The following AOPEP variants were observed in gnomAD, a reference collection of about 807,000 sequenced individuals.
The protein encoded by AOPEP is aminopeptidase O.
Under a neutral mutation model 98.1 loss-of-function variants are expected in AOPEP, and 77 were observed. That is an observed-to-expected ratio of 0.78 (90% CI 0.65 to 0.95). AOPEP has a LOEUF of 0.95. Among genes scored for constraint, AOPEP ranks in the 40% least tolerant of loss-of-function variants. The pLI, the probability that AOPEP is intolerant of heterozygous loss-of-function variation, is 0.00. For synonymous variants in AOPEP, 346 were observed against 365.3 expected (o/e 0.95, Z 0.60); for missense variants, 1,024 against 1,024.7 (o/e 1.00, Z 0.01).
In AOPEP at chr9:94,935,913, C is replaced by A. The variant is rs184831276; in HGVS notation, c.1661+7382C>A. 3.2e-4 allele frequency among the ~76,000 whole-genome samples: 48 copies of A among 152,332 alleles called. 1 individual carries two copies. Among genetic ancestry groups the A allele is most frequent in the Admixed American group, 2.8e-3 (43 of 15,308 alleles). On this transcript the variant is annotated intron_variant, in intron 7 of 16. Transcript: ENST00000375315. The stretch of plus-strand genomic sequence containing the variant: ...CCCTCCCATAGTGTTGTACTCATCG[C>A]TGGTGGCACAGGTCCACCCACAACA...
At chr9:95,081,999 C>G (rs1473602925) in intron 15 of AOPEP, among the ~76,000 whole-genome samples, 1 of 151,926 alleles carries the variant, frequency 6.6e-6, no homozygotes, top group African/African-American at 2.4e-5. Flanking sequence ...CGGCATTGTT[C>G]CCAAGCAGCA....
chr9:95,005,254 T>TGGCGCC, intron 12 of AOPEP, 34 bp downstream of exon 12: 1 of 1,060,368 alleles, frequency 9.4e-7, no homozygotes, highest in African/African-American at 1.7e-5. Context: ...TGCGCCCCGG[T>TGGCGCC]GGCGCCGGCG....
chr9:95,143,247 C>T, the AOPEP span, among the ~76,000 whole-genome samples: 4 of 152,182 alleles, frequency 2.6e-5, no homozygotes, highest in East Asian at 3.8e-4. Flanking sequence ...TCTCCAGGCA[C>T]GTCACCTTCC....
intron 4 of AOPEP, among the ~76,000 whole-genome samples, chr9:94,799,812 A>G (rs1241355190): frequency 6.6e-6 from 1 of 152,060 alleles, no homozygotes; most frequent in East Asian, 1.9e-4. Context: ...CAGTGAGCTT[A>G]AATCATGCCA....
At chr9:95,024,593 T>A (rs2063700043) in intron 13 of AOPEP, among the ~76,000 whole-genome samples, 2 of 152,218 alleles carry the variant, frequency 1.3e-5, no homozygotes, top group Non-Finnish European at 2.9e-5. Flanking sequence ...ACTCTGAGCC[T>A]GAGCGTGTGG....
chr9:95,090,937 C>T (rs1441604689), downstream of AOPEP, among the ~76,000 whole-genome samples: 4 of 152,220 alleles, frequency 2.6e-5, no homozygotes, highest in Non-Finnish European at 5.9e-5. Context: ...GCCAGCCACA[C>T]CCAAGACAGC....
intron 5 of AOPEP, among the ~76,000 whole-genome samples, chr9:94,820,014 C>T (rs559042238): frequency 9.8e-5 from 14 of 142,270 alleles, no homozygotes; most frequent in South Asian, 2.2e-4. Context: ...GGCGCAATCT[C>T]GGCTCACTGC....
chr9:94,753,579 G>A (rs565821175), intron 1 of AOPEP, among the ~76,000 whole-genome samples: 4 of 152,194 alleles, frequency 2.6e-5, no homozygotes, highest in South Asian at 2.1e-4. Context: ...AATCATGGGC[G>A]ATAGAAAACA....
the AOPEP span, among the ~76,000 whole-genome samples, chr9:95,125,367 TTTTCTTTA>T: frequency 2.0e-5 from 3 of 152,264 alleles, no homozygotes; most frequent in South Asian, 6.2e-4. Context: ...CCCTGTTATA[TTTTCTTTA>T]AAATTGCAAC....
intron 5 of AOPEP, among the ~76,000 whole-genome samples, chr9:94,857,551 C>T (rs1020576769): frequency 6.6e-6 from 1 of 152,044 alleles, no homozygotes; most frequent in African/African-American, 2.4e-5. Context: ...TGTATCTCAC[C>T]TTGTAAATAT....
intron 14 of AOPEP, among the ~76,000 whole-genome samples, chr9:95,063,379 G>A (rs886552882): frequency 6.6e-6 from 1 of 152,136 alleles, no homozygotes; most frequent in Non-Finnish European, 1.5e-5. Flanking sequence ...TTTCCCCCAG[G>A]AAGTCCATGA....
chr9:94,829,550 G>A (rs1300456375), intron 5 of AOPEP, among the ~76,000 whole-genome samples: 2 of 152,162 alleles, frequency 1.3e-5, no homozygotes, highest in African/African-American at 4.8e-5. Flanking sequence ...AACAGGCCAC[G>A]CCCATGATGC....
In AOPEP at chr9:94,759,695, T is replaced by G. The variant is rs1022729991; in HGVS notation, c.-89T>G. Reference sequence around the variant, plus strand: ...TTGTGACATCAGTTGTTTTCTTTGATAAGCAGCTATTTATGATTCTGGAAG... The same window carrying G: ...TTGTGACATCAGTTGTTTTCTTTGAGAAGCAGCTATTTATGATTCTGGAAG... On this transcript the variant is annotated 5_prime_UTR_variant, in exon 2 of 17. Coordinates refer to ENST00000375315, the MANE Select transcript of AOPEP (RefSeq NM_001193329.3). 1.9e-6 allele frequency: 2 copies of G among 1,027,228 alleles called. No homozygotes were observed. The highest frequency in any genetic ancestry group is 2.7e-5 in the Admixed American group (1 of 37,478). The allele number at this position is 1,027,228 out of a possible 1,614,324, so 63.6% of individuals were successfully genotyped here. A position where few individuals can be genotyped will look rare whatever the true frequency, so the allele number is the denominator to read the frequency against.
chr9:94,771,458 T>G (rs1265817755), intron 2 of AOPEP, among the ~76,000 whole-genome samples: 2 of 152,142 alleles, frequency 1.3e-5, no homozygotes, highest in Non-Finnish European at 2.9e-5. Context: ...CACATTATCA[T>G]GGCATGTATA....
chr9:95,107,788 G>A, the AOPEP span, among the ~76,000 whole-genome samples: 1 of 152,114 alleles, frequency 6.6e-6, no homozygotes, highest in African/African-American at 2.4e-5. Context: ...ATACACACAT[G>A]CATGCACACA....
chr9:94,901,179 A>T (rs2050343805), intron 5 of AOPEP, among the ~76,000 whole-genome samples: 2 of 152,230 alleles, frequency 1.3e-5, no homozygotes, highest in Admixed American at 6.5e-5. Context: ...AAAATTTCAT[A>T]ATCTTCTCTG....
intron 5 of AOPEP, among the ~76,000 whole-genome samples, chr9:94,822,029 C>T (rs1418469901): frequency 1.3e-5 from 2 of 150,734 alleles, no homozygotes; most frequent in Admixed American, 6.6e-5. Flanking sequence ...ATTCAGCCTA[C>T]TGACCCCGCT....
rs771194562 is a variant in AOPEP at position 95,005,153 on chromosome 9, C to A, written c.1978-5C>A. 3 of 1,146,450 alleles carry A rather than the reference C, an allele frequency of 2.6e-6. No homozygotes were observed. The highest frequency in any genetic ancestry group is 4.7e-5 in the East Asian group (1 of 21,268). The allele number at this position is 1,146,450 out of a possible 1,614,324, so 71.0% of individuals were successfully genotyped here. On this transcript the variant is annotated splice_polypyrimidine_tract_variant and splice_region_variant and intron_variant, in intron 11 of 16. Transcript: ENST00000375315. ...TAAACTTGACTGTGTCCTCTTCCCC[C>A]GCAGCCGCTGCAGAGGGAGCGTCGC...
At chr9:94,915,579 C>T (rs1299328391) in intron 5 of AOPEP, among the ~76,000 whole-genome samples, 2 of 152,186 alleles carry the variant, frequency 1.3e-5, no homozygotes, top group Non-Finnish European at 2.9e-5. Context: ...ATCTAGTTGA[C>T]AGTGTGGTGG....
Sources: allele counts gnomAD v4.1 joint callset (sites outside exome capture counted in the v4.1 genomes callset), GRCh38; gene constraint gnomAD v4.1.1; transcripts MANE v1.5; gene names NCBI Gene and HGNC (gene_info 2026-07-23, HGNC 2026-07-21).